ZFAT: variants seen among roughly 807,000 people sequenced by gnomAD.
ZFAT encodes zinc finger and AT-hook domain containing.
A neutral mutation model predicts 117.7 loss-of-function variants in ZFAT; 64 were observed. The observed-to-expected ratio is 0.54, with a 90% CI of 0.44 to 0.67. The LOEUF (loss-of-function observed/expected upper bound fraction) is 0.67, where lower values mean the gene tolerates loss of function less well. Ranked by LOEUF, ZFAT falls within the 30% of genes least tolerant of loss-of-function variation. The probability of loss-of-function intolerance (pLI) is 0.00; values close to 1 mark genes in which losing one functional copy is unlikely to be tolerated. For missense variants in ZFAT, 1,433 were observed against 1,584.5 expected (o/e 0.90, Z 1.62); for synonymous variants, 679 against 615.0 (o/e 1.10, Z -1.54).
intron 11 of ZFAT, among the ~76,000 whole-genome samples, chr8:134,554,988 C>A (rs1397571550): frequency 6.6e-6 from 1 of 152,170 alleles, no homozygotes; most frequent in Non-Finnish European, 1.5e-5. Flanking sequence ...CAAGACCACC[C>A]TCAGGTTCAA....
chr8:134,557,925 A>C (rs78978615), intron 11 of ZFAT, among the ~76,000 whole-genome samples: 4,034 of 152,314 alleles, frequency 0.026, 68 homozygotes, highest in Non-Finnish European at 0.044. Context: ...TTTAAGTAAA[A>C]ATATTTGAAT....
At chr8:134,690,007 T>C (rs1269666963) in intron 1 of ZFAT, among the ~76,000 whole-genome samples, 2 of 152,258 alleles carry the variant, frequency 1.3e-5, no homozygotes, top group Non-Finnish European at 2.9e-5. Flanking sequence ...TCATTTCACT[T>C]ACAATCTATT....
intron 7 of ZFAT, among the ~76,000 whole-genome samples, chr8:134,593,201 G>A: frequency 6.6e-6 from 1 of 152,192 alleles, no homozygotes; most frequent in Non-Finnish European, 1.5e-5. Flanking sequence ...GGAGTTTACG[G>A]TGATCTCCCC....
intron 3 of ZFAT, among the ~76,000 whole-genome samples, chr8:134,631,294 T>G (rs1829872672): frequency 6.6e-6 from 1 of 152,182 alleles, no homozygotes; most frequent in South Asian, 2.1e-4. Context: ...AGGGTGCCAC[T>G]TCCATCGCTT....
intron 10 of ZFAT, among the ~76,000 whole-genome samples, chr8:134,583,355 T>C (rs890277343): frequency 6.6e-6 from 1 of 152,206 alleles, no homozygotes; most frequent in African/African-American, 2.4e-5. Context: ...TTAAGTATAC[T>C]TTATCTAGGT....
chr8:134,653,971 C>T (rs906742928), intron 2 of ZFAT, among the ~76,000 whole-genome samples: 1 of 152,078 alleles, frequency 6.6e-6, no homozygotes, highest in Non-Finnish European at 1.5e-5. Context: ...ACGTGCTTTC[C>T]CCATATTATA....
At chr8:134,787,486 T>C in the ZFAT span, among the ~76,000 whole-genome samples, 1 of 152,146 alleles carries the variant, frequency 6.6e-6, no homozygotes. Context: ...AGAATTCTGT[T>C]ACTTTGTTCT....
At chr8:134,762,965 CT>C in the ZFAT span, among the ~76,000 whole-genome samples, 5 of 152,272 alleles carry the variant, frequency 3.3e-5, no homozygotes, top group East Asian at 7.7e-4. Flanking sequence ...ACTTCCTCCC[CT>C]GTCTAAGCCA....
intron 12 of ZFAT, among the ~76,000 whole-genome samples, chr8:134,523,685 G>A (rs148140241): frequency 5.4e-4 from 82 of 152,090 alleles, no homozygotes; most frequent in African/African-American, 1.3e-3. Context: ...CCTCCCTCTC[G>A]CCTTCATTCT....
intron 13 of ZFAT, among the ~76,000 whole-genome samples, chr8:134,515,370 T>C (rs1820180284): frequency 1.3e-5 from 2 of 152,238 alleles, no homozygotes; most frequent in Admixed American, 1.3e-4. Context: ...TTCTAGATCC[T>C]TGAGGAATCA....
chr8:134,546,058 T>C (rs1530318), intron 11 of ZFAT, among the ~76,000 whole-genome samples: 27,066 of 152,224 alleles, frequency 0.18, 2,647 homozygotes, highest in Admixed American at 0.3. Flanking sequence ...TTACTAACAT[T>C]AATAACACTG....
chr8:134,486,934 G>A (rs1423764145), intron 15 of ZFAT, among the ~76,000 whole-genome samples: 1 of 152,152 alleles, frequency 6.6e-6, no homozygotes, highest in Non-Finnish European at 1.5e-5. Flanking sequence ...GTGCATGTGT[G>A]TATATGTGTG....
chr8:134,538,479 T>C (rs182577098), intron 11 of ZFAT, among the ~76,000 whole-genome samples: 15 of 152,178 alleles, frequency 9.9e-5, no homozygotes, highest in East Asian at 5.8e-4. Context: ...TTTTCCAAAA[T>C]GTGGCATCAA....
At chr8:134,789,189 T>C in the ZFAT span, among the ~76,000 whole-genome samples, 4 of 152,204 alleles carry the variant, frequency 2.6e-5, no homozygotes, top group African/African-American at 9.7e-5. Context: ...CTTAAGAGAT[T>C]ACAACATGCA....
At chr8:134,565,521 G>A (rs1586720070) in intron 10 of ZFAT, 100 bp from the exon 11 acceptor site, 1 of 1,088,570 alleles carries the variant, frequency 9.2e-7, no homozygotes, top group South Asian at 1.3e-5. Flanking sequence ...GGTGTTCCTT[G>A]CCATGTGAGG....
intron 1 of ZFAT, among the ~76,000 whole-genome samples, chr8:134,702,694 CAG>C (rs1334501055): frequency 3.4e-5 from 5 of 147,974 alleles, no homozygotes; most frequent in Non-Finnish European, 5.9e-5. Context: ...TTTTTTGAGA[CAG>C]AGTCTCACGC....
At chr8:134,705,305 A>T (rs931388634) in intron 1 of ZFAT, among the ~76,000 whole-genome samples, 1 of 150,620 alleles carries the variant, frequency 6.6e-6, no homozygotes, top group Non-Finnish European at 1.5e-5. Context: ...GGCTCAAGTG[A>T]TCCTCCCACC....
intron 11 of ZFAT, among the ~76,000 whole-genome samples, chr8:134,541,753 C>T (rs1822273991): frequency 6.6e-6 from 1 of 152,188 alleles, no homozygotes; most frequent in East Asian, 1.9e-4. Context: ...GAAAAATAGG[C>T]AAAATATGTC....
At chr8:134,518,599 A>G (rs1820410827) in intron 13 of ZFAT, among the ~76,000 whole-genome samples, 1 of 151,634 alleles carries the variant, frequency 6.6e-6, no homozygotes, top group Non-Finnish European at 1.5e-5. Flanking sequence ...TCTCTTGTCC[A>G]TTTTTCTAAA....
Sources: gnomAD v4.1 joint callset for allele counts (sites outside exome capture counted in the v4.1 genomes callset) on GRCh38, gnomAD v4.1.1 for gene constraint, MANE v1.5 for transcripts, NCBI Gene and HGNC (gene_info 2026-07-23, HGNC 2026-07-21) for gene names.